The following ADGRF5 variants were observed in gnomAD, a reference collection of about 807,000 sequenced individuals.
ADGRF5 encodes G-protein coupled receptor 116.
A neutral mutation model predicts 132.3 loss-of-function variants in ADGRF5; 75 were observed. The observed-to-expected ratio is 0.57, with a 90% CI of 0.47 to 0.69. The LOEUF is 0.69. Among genes scored for constraint, ADGRF5 ranks in the 30% least tolerant of loss-of-function variants. The pLI is 0.00. For synonymous variants in ADGRF5, 629 were observed against 597.6 expected, an observed-to-expected ratio of 1.05 and a Z score of -0.77; for missense variants, 1,516 against 1,630.6, an observed-to-expected ratio of 0.93 and a Z score of 1.21.
At chr6:46,931,951 C>T (rs984960034) in intron 1 of ADGRF5, among the ~76,000 whole-genome samples, 2 of 152,110 alleles carry the variant, frequency 1.3e-5, no homozygotes, top group Non-Finnish European at 2.9e-5. Context: ...AAGACTAAAA[C>T]AGAATCAATT....
intron 1 of ADGRF5, among the ~76,000 whole-genome samples, chr6:46,946,886 G>A (rs985566577): frequency 1.3e-5 from 2 of 152,316 alleles, no homozygotes; most frequent in African/African-American, 4.8e-5. Context: ...TTTAAGGACG[G>A]TGAAGACACC....
rs578044161 is a variant in ADGRF5 at position 46,949,439 on chromosome 6, C to G, written c.-25+5295G>C. ...TTACTTCTCTAAAAGTTTCCAGATC[C>G]CTACTTCACAAAGAGACTGCTCTTG... On this transcript the variant is annotated intron_variant, in intron 1 of 20. Transcript: ENST00000265417. 2.3e-3 allele frequency among the ~76,000 whole-genome samples: 351 copies of G among 152,222 alleles called. 2 individuals are homozygous for G. Among genetic ancestry groups the G allele is most frequent in the African/African-American group, 8.1e-3 (336 of 41,524 alleles).
At chr6:46,905,902 A>C (rs1488111022) in intron 2 of ADGRF5, among the ~76,000 whole-genome samples, 1 of 152,212 alleles carries the variant, frequency 6.6e-6, no homozygotes, top group African/African-American at 2.4e-5. Context: ...TTTAATTTTC[A>C]TAACAATAAA....
At chr6:46,889,797 TATAC>T (rs1440074508) in intron 3 of ADGRF5, among the ~76,000 whole-genome samples, 2 of 148,864 alleles carry the variant, frequency 1.3e-5, no homozygotes, top group Non-Finnish European at 3.0e-5. Context: ...TATATATATA[TATAC>T]ATAGTTTTCT....
chr6:46,870,304 C>T (rs190994526), intron 11 of ADGRF5, among the ~76,000 whole-genome samples: 527 of 152,246 alleles, frequency 3.5e-3, no homozygotes, highest in African/African-American at 0.011. Flanking sequence ...AGGCCCACAT[C>T]CCCATGCCTG....
intron 3 of ADGRF5, among the ~76,000 whole-genome samples, chr6:46,889,812 A>G (rs1456056086): frequency 6.7e-6 from 1 of 150,096 alleles, no homozygotes; most frequent in South Asian, 2.1e-4. Flanking sequence ...ATAGTTTTCT[A>G]TACCACATCA....
chr6:46,914,929 C>T (rs1776301057), intron 1 of ADGRF5, among the ~76,000 whole-genome samples: 2 of 151,946 alleles, frequency 1.3e-5, no homozygotes, highest in Admixed American at 6.6e-5. Context: ...GATCTTGGCT[C>T]ACTGCAACCT....
At chr6:46,877,289 TTCTC>T (rs71544214) in intron 10 of ADGRF5, among the ~76,000 whole-genome samples, 6,988 of 67,286 alleles carry the variant, frequency 0.1, 534 homozygotes, top group Middle Eastern at 0.14. Context: ...CTTTCTTTCT[TTCTC>T]TCTCTCTCTC....
intron 15 of ADGRF5, among the ~76,000 whole-genome samples, chr6:46,861,492 A>C (rs1316843714): frequency 6.6e-6 from 1 of 152,138 alleles, no homozygotes; most frequent in Non-Finnish European, 1.5e-5. Flanking sequence ...TACGAAAAGC[A>C]TTTGATAGAT....
intron 1 of ADGRF5, among the ~76,000 whole-genome samples, chr6:46,948,512 GTGTA>G (rs142746584): frequency 2.1e-5 from 3 of 145,380 alleles, no homozygotes; most frequent in African/African-American, 5.2e-5. Context: ...GTGTGTGTGT[GTGTA>G]TGTGTGTGTT....
At chr6:46,927,557 G>T (rs903135174) in intron 1 of ADGRF5, among the ~76,000 whole-genome samples, 1 of 152,000 alleles carries the variant, frequency 6.6e-6, no homozygotes, top group Non-Finnish European at 1.5e-5. Flanking sequence ...GACACATAGA[G>T]GTAAACTCCT....
At chr6:46,863,953 T>C (rs1245553255) in intron 14 of ADGRF5, among the ~76,000 whole-genome samples, 2 of 152,244 alleles carry the variant, frequency 1.3e-5, no homozygotes, top group Non-Finnish European at 2.9e-5. Context: ...AAAGTGACTC[T>C]AAATTGTTTC....
chr6:46,952,612 T>C (rs1778540714), intron 1 of ADGRF5, among the ~76,000 whole-genome samples: 1 of 152,252 alleles, frequency 6.6e-6, no homozygotes, highest in Non-Finnish European at 1.5e-5. Flanking sequence ...GAAAATGCTA[T>C]AGGGATTAAA....
chr6:46,871,906 C>G lies in ADGRF5; in HGVS notation c.1348G>C (p.Glu450Gln), dbSNP rs1771101988. 6.2e-7 allele frequency: 1 copy of G among 1,613,024 alleles called. No individual in the cohort carries two copies. The highest frequency in any genetic ancestry group is 8.5e-7 in the Non-Finnish European group (1 of 1,179,334). Residue 450 changes from glutamate to glutamine, a missense_variant, in exon 11 of 21, where the codon GAG becomes CAG. Physicochemically the swap from Glu to Gln is conservative, Grantham distance 29. Transcript: ENST00000283296. ...CTGGCTCCATAGGCACTGATGAACT[C>G]ACAAGTGTAGATGACTGTTGTTCCA... ...SSGTTVIYTC[E>Q]FISAYGARGS...
At chr6:46,881,142 C>T (rs1347529455) in intron 8 of ADGRF5, among the ~76,000 whole-genome samples, 1 of 152,166 alleles carries the variant, frequency 6.6e-6, no homozygotes, top group Non-Finnish European at 1.5e-5. Context: ...CTTATTGGTG[C>T]ATTTTGTGAA....
intron 2 of ADGRF5, among the ~76,000 whole-genome samples, chr6:46,903,199 G>C (rs1774949248): frequency 6.6e-6 from 1 of 150,446 alleles, no homozygotes; most frequent in Non-Finnish European, 1.5e-5. Context: ...TTGGGTGCTG[G>C]GTAGATCTCA....
intron 1 of ADGRF5, among the ~76,000 whole-genome samples, chr6:46,952,034 T>C (rs1323050542): frequency 6.6e-6 from 1 of 152,168 alleles, no homozygotes; most frequent in Non-Finnish European, 1.5e-5. Flanking sequence ...AATCAGGGAT[T>C]CTCTCCCCTG....
intron 3 of ADGRF5, among the ~76,000 whole-genome samples, chr6:46,897,937 A>G (rs1165779365): frequency 6.6e-6 from 1 of 152,206 alleles, no homozygotes; most frequent in Admixed American, 6.5e-5. Context: ...TTGTAAAAGT[A>G]CCAAGGCCAA....
chr6:46,911,505 C>T (rs1160855617), intron 1 of ADGRF5, among the ~76,000 whole-genome samples: 2 of 152,132 alleles, frequency 1.3e-5, no homozygotes, highest in Admixed American at 6.5e-5. Flanking sequence ...TTCCTGTCCC[C>T]TAACCCCACA....
Sources: allele counts gnomAD v4.1 joint callset (sites outside exome capture counted in the v4.1 genomes callset), GRCh38; gene constraint gnomAD v4.1.1; transcripts MANE v1.5; gene names NCBI Gene and HGNC (gene_info 2026-07-23, HGNC 2026-07-21).